The following ASB3 variants were observed in gnomAD, a reference collection of about 807,000 sequenced individuals.
ASB3 encodes ankyrin repeat and SOCS box containing 3.
Under a neutral mutation model 54.5 loss-of-function variants are expected in ASB3, and 41 were observed. The observed-to-expected ratio is 0.75, with a 90% CI of 0.59 to 0.98. The LOEUF is 0.98. Among genes scored for constraint, ASB3 ranks in the 50% least tolerant of loss-of-function variants. The pLI is 0.00. For synonymous variants in ASB3, 266 were observed against 221.2 expected, an observed-to-expected ratio of 1.20 and a Z score of -1.80; for missense variants, 733 against 620.0, an observed-to-expected ratio of 1.18 and a Z score of -1.94.
intron 2 of ASB3, among the ~76,000 whole-genome samples, chr2:53,760,477 G>C (rs1673081500): frequency 6.6e-6 from 1 of 152,178 alleles, no homozygotes; most frequent in African/African-American, 2.4e-5. Context: ...AATGCTTACA[G>C]AAGGACCCCT....
At chr2:53,754,075 CA>C (rs1672681190) in intron 2 of ASB3, among the ~76,000 whole-genome samples, 1 of 151,816 alleles carries the variant, frequency 6.6e-6, no homozygotes, top group Admixed American at 6.6e-5. Context: ...AAAACGTGCT[CA>C]AAAAACAAAC....
intron 8 of ASB3, among the ~76,000 whole-genome samples, chr2:53,698,036 G>A (rs1251530099): frequency 1.3e-5 from 2 of 152,252 alleles, no homozygotes; most frequent in East Asian, 3.9e-4. Context: ...TATTTCTACT[G>A]GGCATTGCTC....
intron 9 of ASB3, among the ~76,000 whole-genome samples, chr2:53,671,530 C>T (rs190726888): frequency 1.3e-5 from 2 of 152,252 alleles, no homozygotes; most frequent in South Asian, 2.1e-4. Flanking sequence ...GAGGCTGAGG[C>T]GGGCAGATCA....
chr2:53,760,955 G>A (rs188477269), intron 2 of ASB3, among the ~76,000 whole-genome samples: 5 of 152,252 alleles, frequency 3.3e-5, no homozygotes, highest in Admixed American at 1.3e-4. Context: ...CCCATGCTCC[G>A]ATGTTAATGA....
chr2:53,736,805 C>T (rs1572938394), intron 3 of ASB3, among the ~76,000 whole-genome samples: 1 of 151,566 alleles, frequency 6.6e-6, no homozygotes, highest in East Asian at 1.9e-4. Context: ...AATTCCTGAC[C>T]AACATGTTTA....
At chr2:53,720,095 G>A (rs967447381) in intron 5 of ASB3, among the ~76,000 whole-genome samples, 8 of 150,778 alleles carry the variant, frequency 5.3e-5, no homozygotes, top group African/African-American at 1.7e-4. Context: ...ACTGGGATAA[G>A]TGCATATCTG....
At chr2:53,760,809 C>T (rs1200658076) in intron 2 of ASB3, among the ~76,000 whole-genome samples, 1 of 152,130 alleles carries the variant, frequency 6.6e-6, no homozygotes, top group Admixed American at 6.5e-5. Context: ...CATTTCAATC[C>T]CTGTATCTTT....
At chr2:53,758,010 CAGAG>C (rs1029721743) in intron 2 of ASB3, among the ~76,000 whole-genome samples, 2 of 151,018 alleles carry the variant, frequency 1.3e-5, no homozygotes, top group African/African-American at 2.4e-5. Context: ...AGAGAAGAGA[CAGAG>C]AGAGAGAGAA....
chr2:53,741,509 T>C (rs1207569335), intron 3 of ASB3, among the ~76,000 whole-genome samples: 2 of 152,212 alleles, frequency 1.3e-5, no homozygotes. Flanking sequence ...TATTGATTTA[T>C]ATAATGGTTC....
chr2:53,743,070 C>T (rs1377564436), intron 3 of ASB3, among the ~76,000 whole-genome samples: 3 of 151,684 alleles, frequency 2.0e-5, no homozygotes, highest in Non-Finnish European at 4.4e-5. Flanking sequence ...TTAAAGTTCT[C>T]AAGGAAAGGG....
chr2:53,688,868 G>A (rs1294837213), intron 9 of ASB3, among the ~76,000 whole-genome samples: 2 of 151,796 alleles, frequency 1.3e-5, no homozygotes, highest in Non-Finnish European at 2.9e-5. Flanking sequence ...AACCACCAGA[G>A]CACGTGTATA....
Position 53,745,011 on chromosome 2 carries a change from A to G in ASB3, c.355+5772T>C, listed in dbSNP as rs534138702. On this transcript the variant is annotated intron_variant, in intron 3 of 9. Coordinates refer to ENST00000263634, the MANE Select transcript of ASB3 (RefSeq NM_016115.5). ...CAAAAGCGCATGCCATGCAGTTCCC[A>G]TGGAGTGTCCTATGAAATCACACTA... is the stretch of plus-strand genomic sequence containing the variant. 4.4e-4 allele frequency among the ~76,000 whole-genome samples: 67 copies of G among 152,366 alleles called. No homozygotes were observed. The South Asian group carries it at 0.014, about 32-fold the overall frequency.
At chr2:53,704,218 G>C (rs966060480) in intron 7 of ASB3, among the ~76,000 whole-genome samples, 2 of 152,000 alleles carry the variant, frequency 1.3e-5, no homozygotes, top group Non-Finnish European at 2.9e-5. Flanking sequence ...AAATTAGCCA[G>C]GCGTGGTGGC....
intron 9 of ASB3, among the ~76,000 whole-genome samples, chr2:53,693,117 T>C (rs1413466190): frequency 6.6e-6 from 1 of 152,208 alleles, no homozygotes; most frequent in Non-Finnish European, 1.5e-5. Context: ...ACATTTCATG[T>C]AAAAATAGCA....
At chr2:53,726,040 C>T (rs1288044298) in intron 5 of ASB3, among the ~76,000 whole-genome samples, 4 of 151,916 alleles carry the variant, frequency 2.6e-5, no homozygotes, top group Admixed American at 6.6e-5. Flanking sequence ...AAATTACAGA[C>T]AACTCACTGA....
intron 1 of ASB3, among the ~76,000 whole-genome samples, chr2:53,779,159 A>G (rs539238080): frequency 6.6e-6 from 1 of 152,310 alleles, no homozygotes; most frequent in South Asian, 2.1e-4. Context: ...TTTTTCATGT[A>G]TCTGTTGGCC....
At chr2:53,766,974 G>C (rs972912336) in intron 1 of ASB3, among the ~76,000 whole-genome samples, 1 of 152,096 alleles carries the variant, frequency 6.6e-6, no homozygotes, top group African/African-American at 2.4e-5. Context: ...TAGTCCAAGC[G>C]AATTTCCTAA....
intron 1 of ASB3, chr2:53,775,343 G>C (rs1674257096): frequency 6.6e-6 from 1 of 152,042 alleles, no homozygotes; most frequent in African/African-American, 2.4e-5. Context: ...CTCAATTTGT[G>C]TGTGTGTGTG....
At chr2:53,728,405 G>C (rs1671126197) in intron 5 of ASB3, among the ~76,000 whole-genome samples, 1 of 152,128 alleles carries the variant, frequency 6.6e-6, no homozygotes, top group Non-Finnish European at 1.5e-5. Flanking sequence ...TTACACCCTA[G>C]AAAGTTGAAA....
Sources: allele counts gnomAD v4.1 joint callset (sites outside exome capture counted in the v4.1 genomes callset), GRCh38; gene constraint gnomAD v4.1.1; transcripts MANE v1.5; gene names NCBI Gene and HGNC (gene_info 2026-07-23, HGNC 2026-07-21).